SGCD: variants seen among roughly 807,000 people sequenced by gnomAD.
SGCD encodes sarcoglycan delta, also known as delta-sarcoglycan.
A neutral mutation model predicts 36.6 loss-of-function variants in SGCD; 18 were observed. The observed-to-expected ratio is 0.49, with a 90% CI of 0.34 to 0.73. The LOEUF (loss-of-function observed/expected upper bound fraction) is 0.73, where lower values mean the gene tolerates loss of function less well. Among genes scored for constraint, SGCD ranks in the 30% least tolerant of loss-of-function variants. The pLI, the probability that SGCD is intolerant of heterozygous loss-of-function variation, is 0.01. For synonymous variants in SGCD, 133 were observed against 130.6 expected (o/e 1.02, Z -0.12); for missense variants, 387 against 346.7 (o/e 1.12, Z -0.92).
intron 6 of SGCD, among the ~76,000 whole-genome samples, chr5:156,614,562 T>G (rs1487619059): frequency 6.6e-6 from 1 of 152,238 alleles, no homozygotes; most frequent in Admixed American, 6.5e-5. Flanking sequence ...TTACTAAGTC[T>G]TCTTTCACCT....
chr5:156,262,538 AT>A lies in SGCD; in HGVS notation c.-43-66988del, dbSNP rs890313787. Among the ~76,000 whole-genome samples, 7 of 151,992 alleles carry A rather than the reference AT, an allele frequency of 4.6e-5. No homozygotes were observed. The East Asian group carries it at 1.2e-3, about 25-fold the overall frequency. On this transcript the variant is annotated intron_variant, in intron 3 of 9. Coordinates refer to the SGCD transcript ENST00000517913. ...ACTGTGAATTATTAGGTAAATTTTT[AT>A]TTTTTTTATTTCCATAGGTTTTTGG...
At chr5:156,581,533 T>C (rs986295419) in intron 4 of SGCD, among the ~76,000 whole-genome samples, 1 of 152,032 alleles carries the variant, frequency 6.6e-6, no homozygotes, top group African/African-American at 2.4e-5. Context: ...TGAGTTGGAG[T>C]CTACAGAGGC....
chr5:155,896,645 CAAAA>C (rs34856419), intron 1 of SGCD, among the ~76,000 whole-genome samples: 1 of 128,064 alleles, frequency 7.8e-6, no homozygotes, highest in Non-Finnish European at 1.7e-5. Context: ...GACCGTGTCT[CAAAA>C]AAAAAAAAGA....
intron 3 of SGCD, among the ~76,000 whole-genome samples, chr5:156,439,247 A>T (rs1753380813): frequency 1.3e-5 from 2 of 152,074 alleles, no homozygotes; most frequent in Admixed American, 6.6e-5. Context: ...TTTCAGGGAG[A>T]TTATTAGTTG....
intron 4 of SGCD, among the ~76,000 whole-genome samples, chr5:156,549,276 G>C (rs535017924): frequency 7.9e-5 from 12 of 152,162 alleles, no homozygotes; most frequent in Non-Finnish European, 1.6e-4. Context: ...AAGATGTAGA[G>C]TATTTCTATC....
chr5:156,483,784 C>A (rs1018311354), intron 3 of SGCD, among the ~76,000 whole-genome samples: 11 of 152,174 alleles, frequency 7.2e-5, no homozygotes, highest in Admixed American at 7.2e-4. Context: ...CTCTATGTGG[C>A]ATTGTGGCCA....
chr5:156,067,786 G>T (rs1328398860), intron 1 of SGCD, among the ~76,000 whole-genome samples: 2 of 136,478 alleles, frequency 1.5e-5, no homozygotes, highest in Admixed American at 7.0e-5. Flanking sequence ...GCAATGCCTC[G>T]CTCTGCTTCG....
intron 3 of SGCD, among the ~76,000 whole-genome samples, chr5:156,466,659 T>C (rs1754731698): frequency 6.6e-6 from 1 of 152,164 alleles, no homozygotes; most frequent in African/African-American, 2.4e-5. Flanking sequence ...TTTCCACATC[T>C]CAATAATGGG....
chr5:156,085,564 C>A (rs143472916), intron 1 of SGCD, among the ~76,000 whole-genome samples: 2 of 152,312 alleles, frequency 1.3e-5, no homozygotes, highest in African/African-American at 4.8e-5. Context: ...GCCAATTAAA[C>A]CTCTTTTCTT....
chr5:156,687,546 T>A (rs1351255381), intron 7 of SGCD, among the ~76,000 whole-genome samples: 1 of 152,144 alleles, frequency 6.6e-6, no homozygotes, highest in Non-Finnish European at 1.5e-5. Context: ...TCCTCAACTT[T>A]GAATGGGCCC....
At chr5:156,571,336 T>G (rs1040694780) in intron 4 of SGCD, among the ~76,000 whole-genome samples, 10 of 152,228 alleles carry the variant, frequency 6.6e-5, no homozygotes, top group Admixed American at 1.3e-4. Context: ...TGTGAGCCAC[T>G]GTGCCTGGCC....
chr5:155,933,840 C>T (rs1366759749), intron 1 of SGCD, among the ~76,000 whole-genome samples: 1 of 152,062 alleles, frequency 6.6e-6, no homozygotes, highest in Non-Finnish European at 1.5e-5. Flanking sequence ...ATCAGTCATC[C>T]CTAGGTTATC....
intron 1 of SGCD, among the ~76,000 whole-genome samples, chr5:156,327,717 C>T (rs1767874755): frequency 6.6e-6 from 1 of 152,094 alleles, no homozygotes; most frequent in Non-Finnish European, 1.5e-5. Flanking sequence ...GAAGTTTCTA[C>T]GTTGGATGAC....
chr5:155,759,893 G>C, the SGCD span, among the ~76,000 whole-genome samples: 28 of 152,272 alleles, frequency 1.8e-4, no homozygotes, highest in East Asian at 9.7e-4. Flanking sequence ...TAGCTCTGCT[G>C]CCAGGAGGCA....
the SGCD span, among the ~76,000 whole-genome samples, chr5:155,762,461 G>A: frequency 1.3e-5 from 2 of 152,056 alleles, no homozygotes; most frequent in African/African-American, 4.8e-5. Flanking sequence ...TTGCTTTATA[G>A]TTTGCAATGT....
chr5:156,238,300 T>G (rs1765217464), intron 3 of SGCD, among the ~76,000 whole-genome samples: 1 of 152,238 alleles, frequency 6.6e-6, no homozygotes, highest in African/African-American at 2.4e-5. Context: ...CTTTTGTTTT[T>G]ATTCAATAAA....
At chr5:155,869,618 A>G (rs1013978999), upstream of SGCD, among the ~76,000 whole-genome samples, 2 of 151,108 alleles carry the variant, frequency 1.3e-5, no homozygotes, top group African/African-American at 4.9e-5. Context: ...TACATGGCAC[A>G]TTATTAAGCT....
chr5:156,340,380 C>T (rs1335101092), intron 2 of SGCD, among the ~76,000 whole-genome samples: 1 of 152,178 alleles, frequency 6.6e-6, no homozygotes, highest in Non-Finnish European at 1.5e-5. Context: ...TGGTCCTCTT[C>T]CTTCATGTCA....
chr5:156,283,139 G>A (rs1449789659), intron 3 of SGCD, among the ~76,000 whole-genome samples: 1 of 152,154 alleles, frequency 6.6e-6, no homozygotes, highest in Non-Finnish European at 1.5e-5. Flanking sequence ...TTTAACTAAT[G>A]AGAAATGAAA....
Sources: gnomAD v4.1 joint callset for allele counts (sites outside exome capture counted in the v4.1 genomes callset) on GRCh38, gnomAD v4.1.1 for gene constraint, MANE v1.5 for transcripts, NCBI Gene and HGNC (gene_info 2026-07-23, HGNC 2026-07-21) for gene names.